The following IMMP2L variants were observed in gnomAD, a reference collection of about 807,000 sequenced individuals.
The protein encoded by IMMP2L is inner mitochondrial membrane peptidase subunit 2, also known as mitochondrial inner membrane protease subunit 2.
A neutral mutation model predicts 19.3 loss-of-function variants in IMMP2L; 18 were observed. The ratio of observed to expected loss-of-function variants is 0.93; its 90% CI spans 0.64 to 1.38. The LOEUF (loss-of-function observed/expected upper bound fraction) is 1.38. IMMP2L is among the 40% of genes most tolerant of loss of function. IMMP2L has a pLI of 0.00. For missense variants in IMMP2L, 233 were observed against 218.2 expected, an observed-to-expected ratio of 1.07 and a Z score of -0.43; for synonymous variants, 76 against 73.0, an observed-to-expected ratio of 1.04 and a Z score of -0.21.
At chr7:111,499,552 T>C (rs770782583) in intron 2 of IMMP2L, among the ~76,000 whole-genome samples, 13 of 152,026 alleles carry the variant, frequency 8.6e-5, no homozygotes, top group Non-Finnish European at 1.2e-4. Context: ...AGATAAATTA[T>C]CTGTTCCCCA....
chr7:110,852,048 T>G (rs901141119), intron 5 of IMMP2L, among the ~76,000 whole-genome samples: 14 of 152,020 alleles, frequency 9.2e-5, no homozygotes, highest in Non-Finnish European at 1.5e-5. Context: ...AGCTTCCACT[T>G]CGCTCTGACT....
At chr7:111,381,292 T>C (rs999756455) in intron 3 of IMMP2L, among the ~76,000 whole-genome samples, 2 of 151,980 alleles carry the variant, frequency 1.3e-5, no homozygotes, top group South Asian at 2.1e-4. Context: ...AGAGGAGCAA[T>C]GTAAGCAGAG....
rs1563254759 is a variant in IMMP2L, at chr7:111,487,276, C to G, written c.201G>C (p.Arg67Ser). The G allele has an allele frequency of 6.2e-7, 1 of 1,606,944 alleles. No individual in the cohort carries two copies. The highest frequency in any genetic ancestry group is 1.7e-5 in the Admixed American group (1 of 59,988). Residue 67 changes from arginine to serine, a missense_variant, in exon 3 of 6, where the codon AGG (arginine) becomes AGC (serine). Transcript: ENST00000405709. ...DVVLLNHWKV[R>S]NFEVHRGDIV... is the part of the protein sequence containing the mutation. ...TGTCACCACGGTGTACTTCAAAATTCCTCACTTTCCAGTGGTTCAAAAGCA... is the reference window on the plus strand; with the variant it reads ...TGTCACCACGGTGTACTTCAAAATTGCTCACTTTCCAGTGGTTCAAAAGCA...
At chr7:111,088,071 T>C (rs959826808) in intron 3 of IMMP2L, among the ~76,000 whole-genome samples, 4 of 152,136 alleles carry the variant, frequency 2.6e-5, no homozygotes, top group African/African-American at 7.2e-5. Context: ...AACCCAGACA[T>C]TGTGGCTCTA....
chr7:111,341,460 T>C (rs1371766895), intron 3 of IMMP2L, among the ~76,000 whole-genome samples: 2 of 152,130 alleles, frequency 1.3e-5, no homozygotes, highest in African/African-American at 2.4e-5. Context: ...TGTACGTGTA[T>C]ATATACACCA....
chr7:110,806,851 C>T (rs913683353), intron 5 of IMMP2L, among the ~76,000 whole-genome samples: 3 of 151,866 alleles, frequency 2.0e-5, no homozygotes, highest in Non-Finnish European at 4.4e-5. Context: ...GTACAAAGGA[C>T]TCTTAGAAAG....
intron 5 of IMMP2L, among the ~76,000 whole-genome samples, chr7:110,752,396 TTC>T (rs1281056904): frequency 6.6e-6 from 1 of 152,048 alleles, no homozygotes; most frequent in African/African-American, 2.4e-5. Flanking sequence ...TTAAAAATAT[TTC>T]TGTGTCCTAG....
intron 5 of IMMP2L, among the ~76,000 whole-genome samples, chr7:110,701,873 C>G (rs545897116): frequency 6.6e-6 from 1 of 152,164 alleles, no homozygotes; most frequent in Admixed American, 6.5e-5. Context: ...TATATTAGCT[C>G]TAATTTGATT....
chr7:111,299,838 AAAAAG>A (rs1202493497), intron 3 of IMMP2L, among the ~76,000 whole-genome samples: 2 of 152,018 alleles, frequency 1.3e-5, no homozygotes, highest in African/African-American at 4.8e-5. Flanking sequence ...GGCCCATTTT[AAAAAG>A]AAAAGAGAAC....
intron 3 of IMMP2L, among the ~76,000 whole-genome samples, chr7:111,160,713 TAAAGA>T (rs1457392477): frequency 6.7e-6 from 1 of 149,760 alleles, no homozygotes; most frequent in African/African-American, 2.4e-5. Flanking sequence ...GAATAAAAAT[TAAAGA>T]AATATAAAGT....
intron 5 of IMMP2L, among the ~76,000 whole-genome samples, chr7:110,796,781 G>A (rs1383792214): frequency 6.6e-6 from 1 of 151,898 alleles, no homozygotes; most frequent in Non-Finnish European, 1.5e-5. Flanking sequence ...GAAAAGATAG[G>A]GTTCCTTCTT....
intron 3 of IMMP2L, among the ~76,000 whole-genome samples, chr7:110,973,967 G>C (rs1428282239): frequency 2.0e-5 from 3 of 152,096 alleles, no homozygotes; most frequent in Non-Finnish European, 4.4e-5. Context: ...ATGTGTGGAC[G>C]AAATTTGCAT....
intron 3 of IMMP2L, among the ~76,000 whole-genome samples, chr7:111,184,740 A>G (rs1187802901): frequency 6.7e-6 from 1 of 148,862 alleles, no homozygotes; most frequent in Non-Finnish European, 1.5e-5. Context: ...TAATGCCACC[A>G]TTCAGAACTA....
At chr7:111,013,742 G>C (rs938409262) in intron 3 of IMMP2L, among the ~76,000 whole-genome samples, 1 of 152,048 alleles carries the variant, frequency 6.6e-6, no homozygotes, top group African/African-American at 2.4e-5. Flanking sequence ...CAATATTATA[G>C]AGTAAAATCT....
At chr7:111,365,604 A>T (rs959100076) in intron 3 of IMMP2L, among the ~76,000 whole-genome samples, 2 of 152,172 alleles carry the variant, frequency 1.3e-5, no homozygotes, top group Admixed American at 6.6e-5. Flanking sequence ...CTGAAGGATG[A>T]AAAGGAGAAA....
At chr7:110,986,942 G>A (rs1351874605) in intron 3 of IMMP2L, among the ~76,000 whole-genome samples, 2 of 151,812 alleles carry the variant, frequency 1.3e-5, no homozygotes, top group Admixed American at 1.3e-4. Flanking sequence ...ATTTTCCTGA[G>A]GTAAGATAAA....
chr7:110,732,645 G>T (rs537541396), intron 5 of IMMP2L, among the ~76,000 whole-genome samples: 16 of 152,178 alleles, frequency 1.1e-4, no homozygotes, highest in South Asian at 2.1e-4. Context: ...AAAATAACTG[G>T]TTTTTTTAGG....
chr7:111,421,166 G>A lies in IMMP2L; in HGVS notation c.239+66072C>T, dbSNP rs543725712. ...CATTTCTCTGATGACCAGTGATGATGACCATTTTTTCATGTGTCTGTTGGC... is the reference window on the plus strand; with the variant it reads ...CATTTCTCTGATGACCAGTGATGATAACCATTTTTTCATGTGTCTGTTGGC... On this transcript the variant is annotated intron_variant, in intron 3 of 5. Coordinates refer to ENST00000405709, the MANE Select transcript of IMMP2L (RefSeq NM_032549.4). 3.3e-5 allele frequency among the ~76,000 whole-genome samples: 5 copies of A among 151,714 alleles called. No homozygotes were observed. The East Asian group carries it at 9.7e-4, about 29-fold the overall frequency.
chr7:111,276,133 C>A (rs1180732694), intron 3 of IMMP2L, among the ~76,000 whole-genome samples: 1 of 151,940 alleles, frequency 6.6e-6, no homozygotes, highest in Non-Finnish European at 1.5e-5. Flanking sequence ...AAGGCCTAGT[C>A]TTTTGAGGAT....
Sources: allele counts gnomAD v4.1 joint callset (sites outside exome capture counted in the v4.1 genomes callset), GRCh38; gene constraint gnomAD v4.1.1; transcripts MANE v1.5; gene names NCBI Gene and HGNC (gene_info 2026-07-23, HGNC 2026-07-21).